Variants in UBR4 observed in about 807,000 individuals in gnomAD.
The protein encoded by UBR4 is ubiquitin protein ligase E3 component n-recognin 4.
A neutral mutation model predicts 575.6 loss-of-function variants in UBR4; 124 were observed. That is an observed-to-expected ratio of 0.22 (90% CI 0.19 to 0.25). The LOEUF (loss-of-function observed/expected upper bound fraction) is 0.25. Among genes scored for constraint, UBR4 ranks in the 10% least tolerant of loss-of-function variants. The probability of loss-of-function intolerance (pLI) is 1.00; values close to 1 mark genes in which losing one functional copy is unlikely to be tolerated. For missense variants in UBR4, 4,818 were observed against 6,478.8 expected (o/e 0.74, Z 8.80); for synonymous variants, 2,455 against 2,473.7 (o/e 0.99, Z 0.22).
chr1:19,158,777 T>C (rs554646081), intron 39 of UBR4, among the ~76,000 whole-genome samples: 1 of 152,126 alleles, frequency 6.6e-6, no homozygotes, highest in East Asian at 1.9e-4. Context: ...CTGTGACTGA[T>C]TTTAATAAAA....
intron 44 of UBR4, 61 bp downstream of exon 44, chr1:19,154,857 G>A: frequency 6.3e-7 from 1 of 1,598,462 alleles, no homozygotes; most frequent in Admixed American, 1.7e-5. Context: ...GATAGTGGGA[G>A]TGGAGATCCC....
At chr1:19,084,863 G>C (rs2076855230) in intron 101 of UBR4, among the ~76,000 whole-genome samples, 165 bp from the exon 102 acceptor site, 1 of 152,228 alleles carries the variant, frequency 6.6e-6, no homozygotes, top group African/African-American at 2.4e-5. Flanking sequence ...GGGGCCAGCA[G>C]GACGACAAGG....
rs1347536633 is a variant in UBR4 at position 19,110,491 on chromosome 1, G to A, written c.11893-27C>T. 6.2e-7 allele frequency: 1 copy of A among 1,609,112 alleles called. No homozygotes were observed. The highest frequency in any genetic ancestry group is 2.2e-5 in the East Asian group (1 of 44,854). On this transcript the variant is annotated intron_variant, in intron 79 of 105. Coordinates refer to ENST00000375254, the MANE Select transcript of UBR4 (RefSeq NM_020765.3). This position sits in a 1 kb window ranked among gnomAD's most constrained non-coding sequence, Gnocchi z 4.5. ...TAGAAGGCAATGGGAAGAGACATGA[G>A]TCAAGAGGGTCAGCTCCGGTCCAGC...
intron 87 of UBR4, 93 bp downstream of exon 87, chr1:19,103,991 T>A (rs2078922374): frequency 8.9e-6 from 13 of 1,458,896 alleles, no homozygotes; most frequent in Non-Finnish European, 1.2e-5. Flanking sequence ...ACCCCTCCTC[T>A]GGATCTGTGG....
chr1:19,176,660 C>G lies in UBR4; in HGVS notation c.2705G>C (p.Arg902Pro). 6.2e-7 allele frequency: 1 copy of G among 1,614,000 alleles called. No homozygotes were observed. Residue 902 changes from arginine (R) to proline (P), a missense_variant, in exon 20 of 106, where the codon CGG becomes CCG. This residue lies in a region of UBR4 where 1,172 missense variants were observed against 1,259.7 expected (regional missense o/e 0.93). Coordinates refer to ENST00000375254, the MANE Select transcript of UBR4 (RefSeq NM_020765.3). The stretch of plus-strand genomic sequence containing the variant: ...TCCATGATAGAGAGGAGTGGTTGCC[C>G]GGCGGCTGTTGCTGTCCTGGGATCC... Reference protein sequence around the residue: ...ASGSQDSNSRRATTPLYHGFK... With the variant: ...ASGSQDSNSRPATTPLYHGFK...
At chr1:19,119,795 A>G in intron 69 of UBR4, 94 bp from the exon 70 acceptor site, 1 of 1,479,144 alleles carries the variant, frequency 6.8e-7, no homozygotes, top group Non-Finnish European at 9.1e-7. Flanking sequence ...ATTTCCCCAC[A>G]ATTATGGGTT....
chr1:19,187,389 G>A, intron 12 of UBR4, 52 bp downstream of exon 12: 1 of 1,612,154 alleles, frequency 6.2e-7, no homozygotes, highest in Non-Finnish European at 8.5e-7. Flanking sequence ...TGCTTGGCCA[G>A]AAGTGGATCC....
At chr1:19,156,737 A>T in intron 41 of UBR4, 30 bp downstream of exon 41, 1 of 1,607,012 alleles carries the variant, frequency 6.2e-7, no homozygotes. Context: ...CCACAGCTCA[A>T]GGCAATCAAA....
intron 11 of UBR4, among the ~76,000 whole-genome samples, chr1:19,191,810 C>A (rs549971198): frequency 6.2e-4 from 94 of 152,316 alleles, no homozygotes; most frequent in Non-Finnish European, 1.1e-3. Context: ...AGGAAGCAAA[C>A]CAGGAGGCCC....
rs1332880491 is a variant in UBR4 at position 19,106,575 on chromosome 1, C to T, written c.12387G>A (p.Leu4129=). The change falls in exon 83 of 106, where the codon CTG becomes CTA. Residue 4129 remains leucine, a synonymous_variant. Transcript: ENST00000375254. ...TCCAGAAGTGGCCACTCACTTGTCGCAGCCAGTTGTTATGCCCCAGTTTGA... is the reference window on the plus strand; with the variant it reads ...TCCAGAAGTGGCCACTCACTTGTCGTAGCCAGTTGTTATGCCCCAGTTTGA... ...LDLKLGHNNW[L]RQVLFTPATQ... The T allele has an allele frequency of 1.9e-6, 3 of 1,562,894 alleles. No homozygotes were observed. The highest frequency in any genetic ancestry group is 3.8e-5 in the Admixed American group (2 of 52,832).
At position 19,165,710 on chromosome 1, in the gene UBR4, T is replaced by C. The variant is rs770639023; in HGVS notation, c.4157A>G (p.Lys1386Arg). ...ILEECLQYLE[K>R]QLESSQARKA... ...ACGAGCCTGGCTACTTTCCAGCTGC[T>C]TTTCCAAGTACTGGAGACATTCCTC... Residue 1386 changes from lysine to arginine, a missense_variant, in exon 30 of 106, where the codon AAG (lysine) becomes AGG (arginine). Lys to Arg is a conservative substitution (Grantham distance 26). Transcript: ENST00000375254. 1.1e-5 allele frequency: 18 copies of C among 1,614,046 alleles called. 1 individual carries two copies. The highest frequency in any genetic ancestry group is 1.6e-4 in the Middle Eastern group (1 of 6,084).
At position 19,185,180 on chromosome 1, in the gene UBR4, G is replaced by A. The variant is rs141838691; in HGVS notation, c.1857C>T (p.Ser619=). 1,683 of 1,614,166 alleles carry A rather than the reference G, an allele frequency of 1.0e-3. 7 individuals carry two copies. In the African/African-American group the frequency reaches 0.013, roughly 12 times the overall value. ...PPPPPPPPLE[S]SPRVKSPSKQ... is the part of the protein sequence containing the mutation. The stretch of plus-strand genomic sequence containing the variant: ...TACTGGGGCTTTTAACCCGAGGAGA[G>A]CTTTCCAGTGGAGGAGGTGGGGGAG... The change falls in exon 15 of 106, where the codon AGC becomes AGT. Residue 619 remains serine (S), a synonymous_variant. Transcript: ENST00000375254.
chr1:19,147,638 ACAC>A (rs537626664), intron 51 of UBR4, among the ~76,000 whole-genome samples: 40 of 152,344 alleles, frequency 2.6e-4, no homozygotes, highest in African/African-American at 9.6e-4. Flanking sequence ...GTGCTGTGCC[ACAC>A]CTGAGGGAGC....
At chr1:19,125,991 A>G (rs1381009843) in intron 64 of UBR4, among the ~76,000 whole-genome samples, 1 of 152,208 alleles carries the variant, frequency 6.6e-6, no homozygotes, top group African/African-American at 2.4e-5. Context: ...GAGGTTAGAC[A>G]GACAGAACTT....
chr1:19,090,749 T>C (rs983917347), intron 97 of UBR4, among the ~76,000 whole-genome samples: 2 of 152,150 alleles, frequency 1.3e-5, no homozygotes, highest in African/African-American at 2.4e-5. Flanking sequence ...GCCAAGTATC[T>C]AACTAGATAA....
In UBR4 at chr1:19,121,330, C is replaced by A. The variant is rs766096673; in HGVS notation, c.10000G>T (p.Ala3334Ser). ...SCALCGSKVLAALAASSGSSS... is the reference protein window; with the variant it reads ...SCALCGSKVLSALAASSGSSS... The stretch of plus-strand genomic sequence containing the variant: ...GATCCCGAAGAGGCTGCCAGTGCAG[C>A]GAGCACCTTGCTGCCGCACAGAGCA... The change falls in exon 68 of 106, where the codon GCT becomes TCT. Residue 3334 changes from alanine (A) to serine (S), a missense_variant. By Grantham distance (99) the Ala-to-Ser change is moderately conservative (BLOSUM62 1). Transcript: ENST00000375254. 1 of 1,614,172 alleles carries A rather than the reference C, an allele frequency of 6.2e-7. No individual in the cohort carries two copies. The highest frequency in any genetic ancestry group is 8.5e-7 in the Non-Finnish European group (1 of 1,180,022).
Position 19,169,546 on chromosome 1 carries a change from A to G in UBR4, c.3644-14T>C. On this transcript the variant is annotated splice_polypyrimidine_tract_variant and intron_variant, in intron 26 of 105. Coordinates refer to ENST00000375254, the MANE Select transcript of UBR4 (RefSeq NM_020765.3). The stretch of plus-strand genomic sequence containing the variant: ...CCAGTGTCGGACCTGGAGGCGACAG[A>G]AAGGACAAGGAATCATCACAAGAAA... The G allele has an allele frequency of 6.2e-7, 1 of 1,609,518 alleles. No homozygotes were observed. Among genetic ancestry groups the G allele is most frequent in the East Asian group, 2.2e-5 (1 of 44,820 alleles).
intron 63 of UBR4, 124 bp downstream of exon 63, chr1:19,127,499 C>G (rs2149608037): frequency 1.3e-6 from 1 of 742,194 alleles, no homozygotes; most frequent in East Asian, 2.5e-5. Flanking sequence ...AGCTTAGAAT[C>G]TTACTCCCCT....
In UBR4 at chr1:19,117,279, T is replaced by C; in HGVS notation, c.10765A>G (p.Thr3589Ala). 1 of 1,614,184 alleles carries C rather than the reference T, an allele frequency of 6.2e-7. No homozygotes were observed. Among genetic ancestry groups the C allele is most frequent in the Non-Finnish European group, 8.5e-7 (1 of 1,180,016 alleles). Residue 3589 changes from threonine (T) to alanine (A), a missense_variant, in exon 73 of 106, where the codon ACC becomes GCC. Around this residue, in one of 29 missense-constraint regions of UBR4, gnomAD observed 550 missense variants for 791.5 expected, o/e 0.69. Coordinates refer to ENST00000375254, the MANE Select transcript of UBR4 (RefSeq NM_020765.3). The surrounding 1 kb of genome is among the most constrained non-coding windows in gnomAD (Gnocchi z 4.0). ...GDLKRTKMVRTINLYYNNRTV... is the reference protein window; with the variant it reads ...GDLKRTKMVRAINLYYNNRTV... ...CGGTTGTTATAATACAGGTTGATGG[T>C]CCGCACCATCTTGGTCCGTTTCAGA...
Sources: gnomAD v4.1 joint callset for allele counts (sites outside exome capture counted in the v4.1 genomes callset) on GRCh38, gnomAD v4.1.1 for gene constraint, gnomAD v4.1.1 regional missense constraint, Gnocchi (gnomAD v3.1) non-coding constraint, MANE v1.5 for transcripts, NCBI Gene and HGNC (gene_info 2026-07-23, HGNC 2026-07-21) for gene names.